PLEKHA7: variants seen among roughly 807,000 people sequenced by gnomAD.
The protein encoded by PLEKHA7 is pleckstrin homology domain-containing family A member 7.
A neutral mutation model predicts 170.0 loss-of-function variants in PLEKHA7; 104 were observed. That is an observed-to-expected ratio of 0.61 (90% CI 0.52 to 0.72). PLEKHA7 has a LOEUF of 0.72. PLEKHA7 is among the 30% of genes least tolerant of loss of function. PLEKHA7 has a pLI of 0.00. For missense variants in PLEKHA7, 1,615 were observed against 1,671.7 expected (o/e 0.97, Z 0.59); for synonymous variants, 648 against 660.8 (o/e 0.98, Z 0.30).
chr11:16,816,412 C>T (rs563586288), intron 11 of PLEKHA7, 148 bp from the exon 12 acceptor site: 4 of 648,906 alleles, frequency 6.2e-6, no homozygotes, highest in East Asian at 2.7e-5. Context: ...GGTTAGAACA[C>T]TAAACTGTGA....
At chr11:16,879,251 G>C (rs1445162590) in intron 3 of PLEKHA7, among the ~76,000 whole-genome samples, 1 of 152,158 alleles carries the variant, frequency 6.6e-6, no homozygotes, top group Non-Finnish European at 1.5e-5. Context: ...AGATCCAAGG[G>C]TTGGGAGGAG....
At chr11:16,906,272 AAGGAAG>A (rs1565098344) in intron 3 of PLEKHA7, among the ~76,000 whole-genome samples, 5 of 119,676 alleles carry the variant, frequency 4.2e-5, no homozygotes, top group African/African-American at 1.3e-4. Context: ...GGAAGGAAGG[AAGGAAG>A]GAAAGAAAGA....
intron 3 of PLEKHA7, among the ~76,000 whole-genome samples, chr11:16,892,854 A>C (rs547546407): frequency 6.6e-6 from 1 of 152,112 alleles, no homozygotes; most frequent in Non-Finnish European, 1.5e-5. Flanking sequence ...TACTTCTGAC[A>C]GTTCTGGAGG....
intron 3 of PLEKHA7, among the ~76,000 whole-genome samples, chr11:16,876,025 A>C (rs901598750): frequency 5.3e-5 from 8 of 152,088 alleles, no homozygotes; most frequent in African/African-American, 1.9e-4. Flanking sequence ...CATCCTTGCC[A>C]AACAAAGGCT....
At chr11:16,848,772 A>T (rs1852675019) in intron 8 of PLEKHA7, among the ~76,000 whole-genome samples, 1 of 152,216 alleles carries the variant, frequency 6.6e-6, no homozygotes, top group Admixed American at 6.5e-5. Flanking sequence ...GTTAAAGGTT[A>T]AAGAGTAGGC....
At chr11:16,930,174 G>A (rs1001482015) in intron 3 of PLEKHA7, among the ~76,000 whole-genome samples, 1 of 152,110 alleles carries the variant, frequency 6.6e-6, no homozygotes, top group Non-Finnish European at 1.5e-5. Context: ...AGGAACAGAG[G>A]TAAGAAAGAC....
At chr11:16,801,302 T>C (rs574827953) in intron 16 of PLEKHA7, among the ~76,000 whole-genome samples, 1 of 152,356 alleles carries the variant, frequency 6.6e-6, no homozygotes, top group Non-Finnish European at 1.5e-5. Context: ...CAGGATGCTT[T>C]GATTCTCAGC....
intron 13 of PLEKHA7, among the ~76,000 whole-genome samples, chr11:16,809,844 C>T (rs1200183940): frequency 2.0e-5 from 3 of 152,210 alleles, no homozygotes; most frequent in Non-Finnish European, 4.4e-5. Context: ...GGAGACATAC[C>T]AGAGTTTTAC....
intron 8 of PLEKHA7, among the ~76,000 whole-genome samples, chr11:16,850,157 C>T (rs919217633): frequency 1.3e-5 from 2 of 152,178 alleles, no homozygotes; most frequent in Non-Finnish European, 2.9e-5. Flanking sequence ...TGAGCTTTCC[C>T]GTGGTCCTCT....
At chr11:16,852,940 G>A (rs1227825010) in intron 6 of PLEKHA7, among the ~76,000 whole-genome samples, 1 of 152,160 alleles carries the variant, frequency 6.6e-6, no homozygotes, top group Non-Finnish European at 1.5e-5. Flanking sequence ...GTAAATGTTT[G>A]TATTTATCAA....
intron 3 of PLEKHA7, among the ~76,000 whole-genome samples, chr11:16,905,354 T>C (rs1857588613): frequency 6.6e-6 from 1 of 152,214 alleles, no homozygotes; most frequent in African/African-American, 2.4e-5. Context: ...TATGGCTGTT[T>C]TTCCCCTTTG....
At chr11:16,920,682 C>T (rs560552686) in intron 3 of PLEKHA7, among the ~76,000 whole-genome samples, 14 of 152,352 alleles carry the variant, frequency 9.2e-5, no homozygotes, top group African/African-American at 2.4e-4. Flanking sequence ...TATCTGACTA[C>T]CTGACTTCAG....
At chr11:17,007,614 C>G (rs1238841209) in intron 3 of PLEKHA7, among the ~76,000 whole-genome samples, 1 of 150,088 alleles carries the variant, frequency 6.7e-6, no homozygotes, top group Non-Finnish European at 1.5e-5. Flanking sequence ...CATTCTGTCG[C>G]CCAGGCTGGA....
At chr11:16,954,379 T>C (rs1050047518) in intron 3 of PLEKHA7, among the ~76,000 whole-genome samples, 15 of 151,616 alleles carry the variant, frequency 9.9e-5, no homozygotes, top group Non-Finnish European at 1.9e-4. Flanking sequence ...ACAACAAAAA[T>C]TTAAATTAGC....
intron 3 of PLEKHA7, among the ~76,000 whole-genome samples, chr11:16,943,258 CTTT>C (rs367651146): frequency 9.9e-4 from 147 of 147,944 alleles, no homozygotes; most frequent in African/African-American, 3.4e-3. Context: ...CAATACTTTA[CTTT>C]TTTTTTTTCT....
intron 17 of PLEKHA7, among the ~76,000 whole-genome samples, chr11:16,795,906 A>G (rs1464775467): frequency 8.1e-6 from 1 of 124,084 alleles, no homozygotes; most frequent in Non-Finnish European, 1.6e-5. Flanking sequence ...CCCAGGCTAG[A>G]GTACAATGGC....
intron 3 of PLEKHA7, among the ~76,000 whole-genome samples, chr11:16,961,302 T>C (rs1590727506): frequency 1.3e-5 from 2 of 152,140 alleles, no homozygotes; most frequent in African/African-American, 2.4e-5. Context: ...GGCAGGGCTG[T>C]GGAAAGGCCG....
chr11:16,803,137 C>T (rs1848712239), intron 14 of PLEKHA7, 85 bp from the exon 15 acceptor site: 3 of 1,563,136 alleles, frequency 1.9e-6, no homozygotes, highest in Non-Finnish European at 2.6e-6. Context: ...CCTTTGGCTA[C>T]AGAACCATCC....
intron 3 of PLEKHA7, among the ~76,000 whole-genome samples, chr11:16,886,177 A>ATACT (rs1856087765): frequency 6.6e-6 from 1 of 152,174 alleles, no homozygotes; most frequent in African/African-American, 2.4e-5. Context: ...CACTGGCAGT[A>ATACT]GGCAGAGACT....
Sources: gnomAD v4.1 joint callset for allele counts (sites outside exome capture counted in the v4.1 genomes callset) on GRCh38, gnomAD v4.1.1 for gene constraint, MANE v1.5 for transcripts, NCBI Gene and HGNC (gene_info 2026-07-23, HGNC 2026-07-21) for gene names.